Variants in RBM6 observed in about 807,000 individuals in gnomAD.
RBM6 encodes RNA binding motif protein 6, also known as RNA-binding protein 6.
Under a neutral mutation model 140.4 loss-of-function variants are expected in RBM6, and 23 were observed. The observed-to-expected ratio is 0.16, with a 90% CI of 0.12 to 0.23. The LOEUF is 0.23. Among genes scored for constraint, RBM6 ranks in the 10% least tolerant of loss-of-function variants. The probability of loss-of-function intolerance (pLI) is 1.00; values close to 1 mark genes in which losing one functional copy is unlikely to be tolerated. For synonymous variants in RBM6, 439 were observed against 475.6 expected (o/e 0.92, Z 1.00); for missense variants, 1,139 against 1,386.7 (o/e 0.82, Z 2.84).
intron 6 of RBM6, among the ~76,000 whole-genome samples, chr3:50,021,956 A>G (rs1376372788): frequency 6.6e-6 from 1 of 151,574 alleles, no homozygotes; most frequent in Admixed American, 6.6e-5. Context: ...GAAGGGAGGT[A>G]GGAGAATCGC....
chr3:50,033,981 T>C (rs925213053), intron 6 of RBM6, among the ~76,000 whole-genome samples: 1 of 152,066 alleles, frequency 6.6e-6, no homozygotes, highest in Non-Finnish European at 1.5e-5. Flanking sequence ...AACCTTATTA[T>C]ACATAAACAT....
intron 6 of RBM6, among the ~76,000 whole-genome samples, chr3:50,011,144 T>C (rs2086828573): frequency 6.6e-6 from 1 of 151,902 alleles, no homozygotes; most frequent in Admixed American, 6.6e-5. Context: ...GGAGGATCAC[T>C]TGAGCCCAGG....
chr3:50,000,112 G>A (rs1227280669), intron 6 of RBM6, among the ~76,000 whole-genome samples: 3 of 152,150 alleles, frequency 2.0e-5, no homozygotes, highest in Non-Finnish European at 4.4e-5. Flanking sequence ...ATCAGAATCT[G>A]TACTCACCTT....
chr3:50,053,749 CT>C (rs1238145793), intron 7 of RBM6, among the ~76,000 whole-genome samples: 1 of 152,178 alleles, frequency 6.6e-6, no homozygotes, highest in African/African-American at 2.4e-5. Context: ...GGGCAGTGTG[CT>C]TGACTTTTTG....
chr3:49,956,532 A>G lies in RBM6; in HGVS notation c.-66-6044A>G, dbSNP rs536392465. On this transcript the variant is annotated intron_variant, in intron 1 of 20. Coordinates refer to ENST00000266022, the MANE Select transcript of RBM6 (RefSeq NM_005777.3). ...TTTTTAATAGAGATGGGGTTTCTCT[A>G]TGTTGGTCAGGCTGGTCTCGAACTC... is the stretch of plus-strand genomic sequence containing the variant. Among the ~76,000 whole-genome samples, 788 of 151,618 alleles carry G rather than the reference A, an allele frequency of 5.2e-3. 2 individuals are homozygous for G. Among genetic ancestry groups the G allele is most frequent in the Non-Finnish European group, 8.4e-3 (570 of 67,894 alleles).
intron 5 of RBM6, among the ~76,000 whole-genome samples, chr3:49,992,117 G>C (rs968772760): frequency 1.3e-5 from 2 of 151,818 alleles, no homozygotes; most frequent in African/African-American, 2.4e-5. Context: ...ACACCTGGCT[G>C]ATTTAAAACC....
intron 6 of RBM6, among the ~76,000 whole-genome samples, chr3:50,026,251 AT>A (rs2087812903): frequency 6.6e-6 from 1 of 151,044 alleles, no homozygotes; most frequent in Non-Finnish European, 1.5e-5. Context: ...TGCCCGGCTA[AT>A]TTTTGTATTT....
intron 3 of RBM6, among the ~76,000 whole-genome samples, chr3:49,969,686 C>T (rs1293369667): frequency 6.6e-6 from 1 of 151,580 alleles, no homozygotes; most frequent in East Asian, 1.9e-4. Context: ...CAGCCTTGAC[C>T]TCCCAGGCTC....
At chr3:50,060,002 C>CACAA (rs1317329253) in intron 11 of RBM6, among the ~76,000 whole-genome samples, 1 of 152,084 alleles carries the variant, frequency 6.6e-6, no homozygotes, top group African/African-American at 2.4e-5. Context: ...AATGGCCTGG[C>CACAA]GTGGTAGCAC....
intron 6 of RBM6, among the ~76,000 whole-genome samples, chr3:50,011,926 A>C (rs1483146771): frequency 1.3e-5 from 2 of 150,094 alleles, no homozygotes; most frequent in East Asian, 3.9e-4. Flanking sequence ...ACCATGGCTC[A>C]CTGCAGCCTC....
intron 7 of RBM6, among the ~76,000 whole-genome samples, chr3:50,052,052 G>A (rs1049305808): frequency 6.6e-6 from 1 of 152,052 alleles, no homozygotes; most frequent in Non-Finnish European, 1.5e-5. Context: ...ACATAAAATA[G>A]GTAAACTTTA....
intron 5 of RBM6, among the ~76,000 whole-genome samples, chr3:49,999,169 T>G (rs1223332869): frequency 6.6e-6 from 1 of 152,142 alleles, no homozygotes. Flanking sequence ...CTGGGGTACC[T>G]TCACCAGATC....
chr3:50,054,722 G>A (rs763411580), intron 8 of RBM6, among the ~76,000 whole-genome samples: 5 of 152,082 alleles, frequency 3.3e-5, no homozygotes, highest in Non-Finnish European at 5.9e-5. Flanking sequence ...CACCATGTTG[G>A]TCAGGCTGGC....
rs753858580 is a variant in RBM6 at position 50,057,962 on chromosome 3, A to T, written c.1928A>T (p.Glu643Val). Residue 643 changes from glutamate (E) to valine (V), a missense_variant, in exon 9 of 21, where the codon GAG becomes GTG. Physicochemically the swap from Glu to Val is moderately radical, Grantham distance 121. This residue lies in a region of RBM6 where 109 missense variants were observed against 101.9 expected (regional missense o/e 1.07). Coordinates refer to ENST00000266022, the MANE Select transcript of RBM6 (RefSeq NM_005777.3). ...ACTTTCCGAAGAGACCGAGAGAGGG[A>T]GTCATGGTCTGGAGAGACACGCCAG... The part of the protein sequence containing the change: ...GPTFRRDRER[E>V]SWSGETRQDG... 5.0e-6 allele frequency: 8 copies of T among 1,613,952 alleles called. No homozygotes were observed. The African/African-American group carries it at 9.3e-5, about 19-fold the overall frequency.
intron 1 of RBM6, among the ~76,000 whole-genome samples, chr3:49,944,441 A>G (rs2083402869): frequency 1.3e-5 from 2 of 150,770 alleles, no homozygotes; most frequent in African/African-American, 4.9e-5. Flanking sequence ...TCTTGTGAAT[A>G]TAATGGTGCT....
chr3:49,972,080 C>T lies in RBM6; in HGVS notation c.1345C>T (p.Pro449Ser), dbSNP rs762982372. The change falls in exon 4 of 21, where the codon CCA becomes TCA. Residue 449 changes from proline to serine, a missense_variant. Transcript: ENST00000266022. ...TAAGGATCAAGATTATAGGACCGGC[C>T]CAAGTGAGGAGAAACCCAGCAGGCT... ...DLQDQDYRTG[P>S]SEEKPSRLIR... 1.2e-6 allele frequency: 2 copies of T among 1,612,138 alleles called. No individual in the cohort carries two copies. The highest frequency in any genetic ancestry group is 1.1e-5 in the South Asian group (1 of 90,916).
At chr3:49,964,181 A>G (rs2084407111) in intron 2 of RBM6, among the ~76,000 whole-genome samples, 1 of 152,152 alleles carries the variant, frequency 6.6e-6, no homozygotes, top group Admixed American at 6.5e-5. Context: ...TGCTGGGACT[A>G]TAAGTGTGAG....
chr3:50,022,859 G>A lies in RBM6; in HGVS notation c.1557+23346G>A, dbSNP rs114284573. On this transcript the variant is annotated intron_variant, in intron 6 of 20. Transcript: ENST00000266022. ...CACACCTGTAATCCCAGCACGTTGG[G>A]AAGCTGAGGTGGGCTGATCACTTGA... is the stretch of plus-strand genomic sequence containing the variant. Among the ~76,000 whole-genome samples, 1,325 of 152,228 alleles carry A rather than the reference G, an allele frequency of 8.7e-3. 8 individuals are homozygous for A. The highest frequency in any genetic ancestry group is 0.013 in the Non-Finnish European group (873 of 68,022).
At chr3:49,980,769 A>G (rs1333849899) in intron 5 of RBM6, among the ~76,000 whole-genome samples, 1 of 151,710 alleles carries the variant, frequency 6.6e-6, no homozygotes, top group Non-Finnish European at 1.5e-5. Context: ...CTTAAAAAAA[A>G]AAAAAAAAAA....
Sources: gnomAD v4.1 joint callset for allele counts (sites outside exome capture counted in the v4.1 genomes callset) on GRCh38, gnomAD v4.1.1 for gene constraint, gnomAD v4.1.1 regional missense constraint, MANE v1.5 for transcripts, NCBI Gene and HGNC (gene_info 2026-07-23, HGNC 2026-07-21) for gene names.